Variants in PLLP observed in about 807,000 individuals in gnomAD.
PLLP encodes plasmolipin, also known as plasma membrane proteolipid (plasmolipin).
A neutral mutation model predicts 19.7 loss-of-function variants in PLLP; 15 were observed. The observed-to-expected ratio is 0.76, with a 90% CI of 0.51 to 1.17. The LOEUF (loss-of-function observed/expected upper bound fraction) is 1.17, where lower values mean the gene tolerates loss of function less well. PLLP is among the 50% of genes most tolerant of loss of function. PLLP has a pLI of 0.00. For missense variants in PLLP, 255 were observed against 258.3 expected, an observed-to-expected ratio of 0.99 and a Z score of 0.09; for synonymous variants, 111 against 116.3, an observed-to-expected ratio of 0.95 and a Z score of 0.29.
intron 1 of PLLP, among the ~76,000 whole-genome samples, chr16:57,279,133 A>G (rs1901187841): frequency 6.6e-6 from 1 of 152,174 alleles, no homozygotes; most frequent in Non-Finnish European, 1.5e-5. Context: ...ATATAGTGCT[A>G]GGCTAGCTCT....
At chr16:57,268,311 T>C (rs2075464005) in intron 1 of PLLP, among the ~76,000 whole-genome samples, 1 of 152,212 alleles carries the variant, frequency 6.6e-6, no homozygotes, top group Admixed American at 6.5e-5. Flanking sequence ...CATGACCTTG[T>C]TCACCTGAGT....
At position 57,275,260 on chromosome 16, in the gene PLLP, T is replaced by C. The variant is rs547153880; in HGVS notation, c.135+9146A>G. On this transcript the variant is annotated intron_variant, in intron 1 of 3. Coordinates refer to ENST00000219207, the MANE Select transcript of PLLP (RefSeq NM_015993.3). ...GATTGTCCATCCTTATACACAGAGC[T>C]GTTGCATTGTCTTCTTTGAGGGGTG... Among the ~76,000 whole-genome samples the C allele has an allele frequency of 2.0e-5, 3 of 152,308 alleles. No homozygotes were observed. In the East Asian group the frequency reaches 5.8e-4, roughly 29 times the overall value.
intron 2 of PLLP, among the ~76,000 whole-genome samples, chr16:57,259,828 T>C (rs1160490484): frequency 6.6e-6 from 1 of 151,770 alleles, no homozygotes; most frequent in Non-Finnish European, 1.5e-5. Context: ...AATACAAAAA[T>C]TAGCCAAGAG....
Position 57,261,929 on chromosome 16 carries a change from T to C in PLLP, c.277A>G (p.Met93Val), listed in dbSNP as rs1484213056. The C allele has an allele frequency of 3.1e-6, 5 of 1,613,822 alleles. No individual in the cohort carries two copies. Among genetic ancestry groups the C allele is most frequent in the Admixed American group, 1.7e-5 (1 of 59,974 alleles). ...GGCCAGGGAACCATGTACAACTTCA[T>C]GTGCAGCTGAAACAGGTAGAGGTTG... ...LFNLYLFQLHMKLYMVPWPLV... is the reference protein window; with the variant it reads ...LFNLYLFQLHVKLYMVPWPLV... The change falls in exon 2 of 4, where the codon ATG (methionine) becomes GTG (valine). Residue 93 changes from methionine to valine, a missense_variant. By Grantham distance (21) the Met-to-Val change is conservative (BLOSUM62 1). Coordinates refer to ENST00000219207, the MANE Select transcript of PLLP (RefSeq NM_015993.3).
At chr16:57,269,659 A>C (rs1236896764) in intron 1 of PLLP, among the ~76,000 whole-genome samples, 1 of 152,132 alleles carries the variant, frequency 6.6e-6, no homozygotes, top group African/African-American at 2.4e-5. Context: ...GAATGACTAC[A>C]GTGGGCCGGG....
chr16:57,270,868 C>T (rs1597962860), intron 1 of PLLP, among the ~76,000 whole-genome samples: 2 of 152,338 alleles, frequency 1.3e-5, no homozygotes, highest in East Asian at 3.9e-4. Context: ...CCTAAGCTCT[C>T]TTTTCTCGTC....
At chr16:57,274,048 C>T (rs554949120) in intron 1 of PLLP, among the ~76,000 whole-genome samples, 20 of 152,232 alleles carry the variant, frequency 1.3e-4, no homozygotes, top group African/African-American at 4.3e-4. Flanking sequence ...ACTGTAGTGG[C>T]GTGATGACAG....
At chr16:57,268,359 G>A (rs902527057) in intron 1 of PLLP, among the ~76,000 whole-genome samples, 29 of 152,170 alleles carry the variant, frequency 1.9e-4, no homozygotes, top group Admixed American at 1.4e-3. Flanking sequence ...GTGGCCTATC[G>A]ACTCCTTGAA....
chr16:57,283,444 G>A (rs1901243234), intron 1 of PLLP, among the ~76,000 whole-genome samples: 1 of 152,178 alleles, frequency 6.6e-6, no homozygotes, highest in Admixed American at 6.5e-5. Context: ...CCCAGCAATA[G>A]GAGACAATGG....
At chr16:57,273,540 C>T (rs1374004256) in intron 1 of PLLP, among the ~76,000 whole-genome samples, 1 of 152,238 alleles carries the variant, frequency 6.6e-6, no homozygotes, top group African/African-American at 2.4e-5. Context: ...AGCAAAGGGC[C>T]TGGGCCTGGC....
Position 57,284,461 on chromosome 16 carries a change from C to A in PLLP, c.80G>T (p.Arg27Leu). 1 of 1,415,096 alleles carries A rather than the reference C, an allele frequency of 7.1e-7. No homozygotes were observed. The highest frequency in any genetic ancestry group is 9.3e-7 in the Non-Finnish European group (1 of 1,080,610). 87.7% of individuals were successfully genotyped at this position (1,415,096 alleles called of 1,614,324 possible). A position where few individuals can be genotyped will look rare whatever the true frequency, so the allele number is the denominator to read the frequency against. The change falls in exon 1 of 4, where the codon CGC becomes CTC. Residue 27 changes from arginine (R) to leucine (L), a missense_variant. Arg to Leu is a moderately radical substitution (Grantham distance 102). Transcript: ENST00000219207. ...QGAEASVSAL[R>L]PDLGFVRSRL... ...GGAGCGCACGAAGCCCAGGTCCGGGCGCAGCGCCGACACCGAGGCTTCGGC... is the reference window on the plus strand; with the variant it reads ...GGAGCGCACGAAGCCCAGGTCCGGGAGCAGCGCCGACACCGAGGCTTCGGC...
At chr16:57,265,665 C>T (rs1194717977) in intron 1 of PLLP, among the ~76,000 whole-genome samples, 1 of 152,200 alleles carries the variant, frequency 6.6e-6, no homozygotes, top group Admixed American at 6.5e-5. Flanking sequence ...CTCAAATGTT[C>T]TATCTGTTAT....
At chr16:57,263,232 A>T (rs1567529627) in intron 1 of PLLP, 1 of 152,240 alleles carries the variant, frequency 6.6e-6, no homozygotes, top group Non-Finnish European at 1.5e-5. Context: ...GCCATCTCAC[A>T]GGTGAAACTG....
In PLLP at chr16:57,258,057, C is replaced by CA. The variant is rs201128605; in HGVS notation, c.432+404dup. Reference sequence around the variant, plus strand: ...TTAGCCAGGCGTGAGACTCCATCTCCAAAAAAAATACAAAATACAAAAAAA... The same window carrying CA: ...TTAGCCAGGCGTGAGACTCCATCTCCAAAAAAAAATACAAAATACAAAAAAA... On this transcript the variant is annotated intron_variant, in intron 3 of 3. Transcript: ENST00000219207. Among the ~76,000 whole-genome samples the CA allele has an allele frequency of 2.3e-4, 35 of 151,294 alleles. No homozygotes were observed. In the East Asian group the frequency reaches 6.6e-3, roughly 29 times the overall value.
chr16:57,284,362 C>A (rs756336213), intron 1 of PLLP, 44 bp downstream of exon 1: 8 of 1,330,330 alleles, frequency 6.0e-6, no homozygotes, highest in Non-Finnish European at 7.7e-6. Context: ...CCTGGCCGGA[C>A]CGGGAGCCCC....
rs780739094 is a variant in PLLP, at chr16:57,261,972, C to T, written c.234G>A (p.Leu78=). 1 of 1,614,140 alleles carries T rather than the reference C, an allele frequency of 6.2e-7. No individual in the cohort carries two copies. The highest frequency in any genetic ancestry group is 8.5e-7 in the Non-Finnish European group (1 of 1,180,012). ...WVMFVAVFLW[L]VTIVLFNLYL... ...AGAGGTTGAAGAGGACGATTGTCAC[C>T]AGCCAGAGGAAGACAGCGACGAACA... The change falls in exon 2 of 4, where the codon CTG becomes CTA. Residue 78 remains leucine (L), a synonymous_variant. Transcript: ENST00000219207.
intron 1 of PLLP, among the ~76,000 whole-genome samples, chr16:57,270,785 C>G (rs954238411): frequency 2.0e-5 from 3 of 152,176 alleles, no homozygotes; most frequent in Non-Finnish European, 4.4e-5. Flanking sequence ...GAGTCATCCC[C>G]GCTCTCCAGG....
Position 57,261,896 on chromosome 16 carries a change from C to T in PLLP, c.309+1G>A. 6.2e-7 allele frequency: 1 copy of T among 1,613,718 alleles called. No individual in the cohort carries two copies. The highest frequency in any genetic ancestry group is 8.5e-7 in the Non-Finnish European group (1 of 1,179,638). On this transcript the variant is annotated splice_donor_variant, in intron 2 of 3. Transcript: ENST00000219207. LOFTEE classifies it high-confidence loss of function. ...CTTCCAGTACCCCCACCCAGACTCA[C>T]CACCAGTGGCCAGGGAACCATGTAC... is the stretch of plus-strand genomic sequence containing the variant.
chr16:57,260,320 G>A (rs1291791412), intron 2 of PLLP, among the ~76,000 whole-genome samples: 1 of 152,164 alleles, frequency 6.6e-6, no homozygotes, highest in Non-Finnish European at 1.5e-5. Context: ...AGCCACGGCT[G>A]GAGCCCCAAA....
Sources: allele counts gnomAD v4.1 joint callset (sites outside exome capture counted in the v4.1 genomes callset), GRCh38; gene constraint gnomAD v4.1.1; transcripts MANE v1.5; gene names NCBI Gene and HGNC (gene_info 2026-07-23, HGNC 2026-07-21).